MATR3: variants seen among roughly 807,000 people sequenced by gnomAD.
MATR3 encodes matrin 3, also known as matrin-3.
Under a neutral mutation model 85.5 loss-of-function variants are expected in MATR3, and 4 were observed. That is an observed-to-expected ratio of 0.05 (90% CI 0.02 to 0.11). The LOEUF is 0.11. Among genes scored for constraint, MATR3 ranks in the 10% least tolerant of loss-of-function variants. MATR3 has a pLI of 1.00. For missense variants in MATR3, 685 were observed against 1,016.1 expected (o/e 0.67, Z 4.43); for synonymous variants, 336 against 343.1 (o/e 0.98, Z 0.23).
At chr5:139,296,408 C>G (rs1754154118) in intron 1 of MATR3, among the ~76,000 whole-genome samples, 1 of 152,016 alleles carries the variant, frequency 6.6e-6, no homozygotes, top group South Asian at 2.1e-4. Flanking sequence ...AGATATACCC[C>G]AAAATGTTTG....
chr5:139,317,195 G>A lies in MATR3; in HGVS notation c.1182+90G>A, dbSNP rs181594315. On this transcript the variant is annotated intron_variant, in intron 6 of 14. Transcript: ENST00000394805. ...CCTTACTAGTTGAGTATGTATCGTG[G>A]TCCTTATGGGAACATTGCTGTAATT... 4,017 of 1,205,442 alleles carry A rather than the reference G, an allele frequency of 3.3e-3. 17 individuals carry two copies. The highest frequency in any genetic ancestry group is 3.8e-3 in the Non-Finnish European group (3,117 of 817,022). The allele number at this position is 1,205,442 out of a possible 1,614,324, so 74.7% of individuals were successfully genotyped here.
Position 139,319,366 on chromosome 5 carries a change from T to G in MATR3, c.1467T>G (p.Asp489Glu). Residue 489 changes from aspartate to glutamate, a missense_variant, in exon 9 of 15, where the codon GAT becomes GAG. By Grantham distance (45) the Asp-to-Glu change is conservative (BLOSUM62 2). Around this residue, in one of 9 missense-constraint regions of MATR3, gnomAD observed 30 missense variants for 23.9 expected, o/e 1.25. Coordinates refer to ENST00000394805, the MANE Select transcript of MATR3 (RefSeq NM_018834.6). ...KPEGKPDQKF[D>E]QKQELGRVIH... ...AAGGAAAGCCAGATCAGAAGTTTGA[T>G]CAAAAGCAAGAGCTTGGACGTGTGA... is the stretch of plus-strand genomic sequence containing the variant. 6.2e-7 allele frequency: 1 copy of G among 1,614,170 alleles called. No individual in the cohort carries two copies. Among genetic ancestry groups the G allele is most frequent in the Non-Finnish European group, 8.5e-7 (1 of 1,180,048 alleles).
At chr5:139,326,346 G>C in intron 14 of MATR3, 62 bp downstream of exon 14, 3 of 1,533,266 alleles carry the variant, frequency 2.0e-6, no homozygotes, top group Non-Finnish European at 1.8e-6. Flanking sequence ...AATAAGTGGG[G>C]TATATAAGTA....
chr5:139,298,332 G>T (rs1391126526), intron 1 of MATR3, among the ~76,000 whole-genome samples: 1 of 152,148 alleles, frequency 6.6e-6, no homozygotes, highest in African/African-American at 2.4e-5. Flanking sequence ...AGCACTTTGG[G>T]GGCTGAGGTG....
chr5:139,293,586 G>A (rs1488255554), upstream of MATR3: 2 of 178,616 alleles, frequency 1.1e-5, no homozygotes, highest in Non-Finnish European at 2.3e-5. Context: ...GCGAGTGCAC[G>A]AGCGAGGTGC....
At chr5:139,280,099 A>G (rs1753460530) in intron 3 of MATR3, 1 of 152,236 alleles carries the variant, frequency 6.6e-6, no homozygotes, top group East Asian at 1.9e-4. Flanking sequence ...TGGTTTTTGC[A>G]ACTATTTTTG....
At chr5:139,305,351 T>C (rs1028272695) in intron 1 of MATR3, among the ~76,000 whole-genome samples, 5 of 152,200 alleles carry the variant, frequency 3.3e-5, no homozygotes, top group African/African-American at 1.2e-4. Context: ...AATATGGCCG[T>C]TTTAAAAATT....
intron 1 of MATR3, among the ~76,000 whole-genome samples, chr5:139,302,414 A>C (rs1754495522): frequency 6.6e-6 from 1 of 152,236 alleles, no homozygotes. Context: ...AAAAACCCTT[A>C]AATGAAATAA....
Position 139,315,911 on chromosome 5 carries a change from T to C in MATR3, c.1017-165T>C, listed in dbSNP as rs900646817. ...TTAGAATATATATTATGTAGTAATTTGTATTCTTTTATTGTTAATGTAGAC... is the reference window on the plus strand; with the variant it reads ...TTAGAATATATATTATGTAGTAATTCGTATTCTTTTATTGTTAATGTAGAC... On this transcript the variant is annotated intron_variant, in intron 4 of 14. Transcript: ENST00000394805. The C allele has an allele frequency of 1.1e-5, 8 of 751,094 alleles. No individual in the cohort carries two copies. The African/African-American group carries it at 1.2e-4, about 12-fold the overall frequency. The allele number at this position is 751,094 out of a possible 1,614,324, so 46.5% of individuals were successfully genotyped here. A position where few individuals can be genotyped will look rare whatever the true frequency, so the allele number is the denominator to read the frequency against.
intron 1 of MATR3, among the ~76,000 whole-genome samples, chr5:139,297,630 T>C (rs1244275383): frequency 6.6e-6 from 1 of 152,208 alleles, no homozygotes; most frequent in African/African-American, 2.4e-5. Context: ...CTAACCTGAA[T>C]ATAATTTATT....
At position 139,308,164 on chromosome 5, in the gene MATR3, A is replaced by G. The variant is rs1031948008; in HGVS notation, c.749A>G (p.Tyr250Cys). ...SHNYHKFDSEYERMGRGPGPL... is the reference protein window; with the variant it reads ...SHNYHKFDSECERMGRGPGPL... ...AACTATCATAAATTTGACAGTGAGT[A>G]TGAGAGAATGGGACGTGGTCCTGGC... The change falls in exon 2 of 15, where the codon TAT (tyrosine) becomes TGT (cysteine). Residue 250 changes from tyrosine to cysteine, a missense_variant. This residue lies in a region of MATR3 where 223 missense variants were observed against 334.4 expected (regional missense o/e 0.67). Transcript: ENST00000394805. 5 of 1,614,012 alleles carry G rather than the reference A, an allele frequency of 3.1e-6. No homozygotes were observed. Among genetic ancestry groups the G allele is most frequent in the African/African-American group, 2.7e-5 (2 of 74,912 alleles).
Position 139,329,502 on chromosome 5 carries a change from CTT to C in MATR3, c.*110_*111del, listed in dbSNP as rs748998975. 4.7e-5 allele frequency: 45 copies of C among 955,520 alleles called. No homozygotes were observed. The highest frequency in any genetic ancestry group is 1.2e-4 in the South Asian group (9 of 74,646). 59.2% of individuals were successfully genotyped at this position (955,520 alleles called of 1,614,324 possible). ...ATAGTTAGAAGAAAACTATTGTACT[CTT>C]TTGTTTTAGTGGAGAAATAATAGAT... is the stretch of plus-strand genomic sequence containing the variant. On this transcript the variant is annotated 3_prime_UTR_variant, in exon 15 of 15. Transcript: ENST00000394805.
At chr5:139,323,949 G>T (rs1755710430) in intron 12 of MATR3, among the ~76,000 whole-genome samples, 1 of 151,156 alleles carries the variant, frequency 6.6e-6, no homozygotes, top group South Asian at 2.1e-4. Context: ...TATTCCATTG[G>T]TTCCTTTTAT....
intron 3 of MATR3, chr5:139,279,250 A>G (rs1753422356): frequency 4.6e-6 from 2 of 435,636 alleles, no homozygotes; most frequent in South Asian, 1.6e-5. Context: ...TTGGGGGGGG[A>G]CGGAGTCTTG....
chr5:139,298,383 C>T (rs572635019), intron 1 of MATR3, among the ~76,000 whole-genome samples: 22 of 152,216 alleles, frequency 1.4e-4, no homozygotes, highest in Non-Finnish European at 2.4e-4. Flanking sequence ...CCAACCTGGG[C>T]AACATACGGA....
At chr5:139,313,821 G>A (rs1442174786) in intron 2 of MATR3, 1 of 152,148 alleles carries the variant, frequency 6.6e-6, no homozygotes, top group Admixed American at 6.5e-5. Flanking sequence ...TGCTAATCAT[G>A]GTGTATTTTT....
chr5:139,286,143 ATCC>A (rs982643526), intron 3 of MATR3, among the ~76,000 whole-genome samples: 12 of 152,118 alleles, frequency 7.9e-5, no homozygotes, highest in African/African-American at 2.9e-4. Context: ...ACCTGACCCC[ATCC>A]TCTTGCCACT....
intron 12 of MATR3, among the ~76,000 whole-genome samples, chr5:139,324,023 T>C (rs1203683976): frequency 6.6e-6 from 1 of 152,244 alleles, no homozygotes; most frequent in Non-Finnish European, 1.5e-5. Flanking sequence ...TCAAATAACT[T>C]CATTAATTTT....
Position 139,279,130 on chromosome 5 carries a change from G to GT in MATR3, c.-178+2dup. 2.2e-6 allele frequency: 1 copy of GT among 454,306 alleles called. No individual in the cohort carries two copies. The highest frequency in any genetic ancestry group is 1.5e-5 in the South Asian group (1 of 64,536). The allele number at this position is 454,306 out of a possible 1,614,324, so 28.1% of individuals were successfully genotyped here. ...CCTGTGTGACACCAAGATAAGTAAC[G>GT]TATGTAGTCTTCTTGTCATGTAGGT... On this transcript the variant is annotated splice_donor_variant, in intron 3 of 16. Transcript: ENST00000509990. LOFTEE classifies it low-confidence loss of function (5UTR_SPLICE).
Sources: allele counts gnomAD v4.1 joint callset (sites outside exome capture counted in the v4.1 genomes callset), GRCh38; gene constraint gnomAD v4.1.1; regional missense constraint gnomAD v4.1.1; transcripts MANE v1.5; gene names NCBI Gene and HGNC (gene_info 2026-07-23, HGNC 2026-07-21).